GLI3: variants seen among roughly 807,000 people sequenced by gnomAD.
The protein encoded by GLI3 is transcription activator GLI3.
In GLI3, 20 loss-of-function variants were observed where a neutral mutation model predicts 100.8. That is an observed-to-expected ratio of 0.20 (90% confidence interval 0.14 to 0.29). GLI3 has a LOEUF of 0.29. GLI3 is among the 10% of genes least tolerant of loss of function. The pLI is 1.00. For missense variants in GLI3, 2,040 were observed against 2,128.5 expected, an observed-to-expected ratio of 0.96 and a Z score of 0.82; for synonymous variants, 938 against 860.5, an observed-to-expected ratio of 1.09 and a Z score of -1.58.
At chr7:42,244,189 G>A (rs12531735) in intron 1 of GLI3, among the ~76,000 whole-genome samples, 132 of 152,240 alleles carry the variant, frequency 8.7e-4, no homozygotes, top group Non-Finnish European at 1.2e-3. Context: ...TATTTTAGGA[G>A]ACTATTTCTT....
intron 3 of GLI3, among the ~76,000 whole-genome samples, chr7:42,080,346 T>C (rs1039250167): frequency 6.6e-6 from 1 of 152,228 alleles, no homozygotes; most frequent in Non-Finnish European, 1.5e-5. Flanking sequence ...TAATGCTTAT[T>C]TATGTCCCAA....
chr7:42,083,190 A>C (rs1583541474), intron 3 of GLI3, among the ~76,000 whole-genome samples: 1 of 151,936 alleles, frequency 6.6e-6, no homozygotes, highest in South Asian at 2.1e-4. Flanking sequence ...TCCCTGCTCA[A>C]CCCCCACTAT....
In GLI3 at chr7:41,964,793, C is replaced by G; in HGVS notation, c.4280G>C (p.Gly1427Ala). 1 of 1,613,744 alleles carries G rather than the reference C, an allele frequency of 6.2e-7. No individual in the cohort carries two copies. The highest frequency in any genetic ancestry group is 8.5e-7 in the Non-Finnish European group (1 of 1,179,738). Residue 1427 changes from glycine to alanine, a missense_variant, in exon 15 of 15, where the codon GGG becomes GCG. Physicochemically the swap from Gly to Ala is moderately conservative, Grantham distance 60. Transcript: ENST00000395925. ...ATTAGAGCACAGCGGATGGGGCTGC[C>G]CTTTCATCTCCATCTTGATACCATT... ...RVNGIKMEMK[G>A]QPHPLCSNLQ...
At chr7:42,088,395 T>C (rs1342868502) in intron 3 of GLI3, among the ~76,000 whole-genome samples, 1 of 140,074 alleles carries the variant, frequency 7.1e-6, no homozygotes, top group East Asian at 1.9e-4. Context: ...CTTCCTCTCT[T>C]GTTGGCTACC....
intron 1 of GLI3, among the ~76,000 whole-genome samples, chr7:42,232,201 G>A (rs889475216): frequency 6.6e-6 from 1 of 151,986 alleles, no homozygotes; most frequent in Non-Finnish European, 1.5e-5. Flanking sequence ...TTTACTGCAG[G>A]TACAATTTAT....
chr7:42,146,693 T>C (rs1187575335), intron 3 of GLI3, among the ~76,000 whole-genome samples: 3 of 152,196 alleles, frequency 2.0e-5, no homozygotes, highest in Non-Finnish European at 4.4e-5. Context: ...AGTCTACTAC[T>C]GGGGTCTATA....
chr7:42,128,918 G>A (rs944855235), intron 3 of GLI3, among the ~76,000 whole-genome samples: 1 of 152,204 alleles, frequency 6.6e-6, no homozygotes, highest in African/African-American at 2.4e-5. Flanking sequence ...GCCAGAAGGT[G>A]GCAGAGGTGG....
intron 10 of GLI3, among the ~76,000 whole-genome samples, chr7:41,990,942 G>C (rs542752006): frequency 6.6e-6 from 1 of 151,860 alleles, no homozygotes; most frequent in East Asian, 1.9e-4. Flanking sequence ...GCACAGGCAC[G>C]TCTCAAGAAC....
At chr7:42,184,822 A>G (rs2128684794) in intron 2 of GLI3, among the ~76,000 whole-genome samples, 1 of 152,094 alleles carries the variant, frequency 6.6e-6, no homozygotes, top group South Asian at 2.1e-4. Context: ...TCTCAGTACG[A>G]CTTGGGACAA....
At chr7:42,013,531 A>T (rs753393598) in intron 10 of GLI3, among the ~76,000 whole-genome samples, 3 of 152,012 alleles carry the variant, frequency 2.0e-5, no homozygotes, top group Non-Finnish European at 4.4e-5. Flanking sequence ...GTTCGGCTAA[A>T]TTAGTATTAT....
At chr7:42,162,658 T>C (rs1787152876) in intron 2 of GLI3, among the ~76,000 whole-genome samples, 1 of 152,206 alleles carries the variant, frequency 6.6e-6, no homozygotes, top group Non-Finnish European at 1.5e-5. Context: ...TCAATTCTAC[T>C]GAGTTCCTCT....
At chr7:42,083,745 A>G (rs1379319910) in intron 3 of GLI3, among the ~76,000 whole-genome samples, 1 of 152,210 alleles carries the variant, frequency 6.6e-6, no homozygotes, top group Non-Finnish European at 1.5e-5. Flanking sequence ...TTTTCAATGC[A>G]CTTTCTTCAT....
intron 3 of GLI3, among the ~76,000 whole-genome samples, chr7:42,112,168 C>T (rs1785725343): frequency 6.6e-6 from 1 of 152,118 alleles, no homozygotes. Flanking sequence ...TTCTGGAAAC[C>T]AACGCTTTTT....
At chr7:42,015,662 G>T (rs846300) in intron 10 of GLI3, among the ~76,000 whole-genome samples, 19 of 151,100 alleles carry the variant, frequency 1.3e-4, no homozygotes, top group Admixed American at 5.3e-4. Context: ...GCTGGTTATG[G>T]GCCTTACTGA....
At chr7:42,097,520 G>A (rs1785367143) in intron 3 of GLI3, among the ~76,000 whole-genome samples, 1 of 152,170 alleles carries the variant, frequency 6.6e-6, no homozygotes, top group African/African-American at 2.4e-5. Flanking sequence ...CCTTCCCCTG[G>A]ACACCAGCAG....
At chr7:42,047,939 C>A (rs551766091) in intron 5 of GLI3, among the ~76,000 whole-genome samples, 3 of 152,300 alleles carry the variant, frequency 2.0e-5, no homozygotes, top group African/African-American at 7.2e-5. Flanking sequence ...ATCTCAGGCC[C>A]CACCTGATCC....
intron 3 of GLI3, among the ~76,000 whole-genome samples, chr7:42,116,001 G>C (rs192729638): frequency 6.6e-6 from 1 of 152,094 alleles, no homozygotes; most frequent in Non-Finnish European, 1.5e-5. Context: ...AATGAACAGG[G>C]AGGGCATCAT....
intron 2 of GLI3, among the ~76,000 whole-genome samples, chr7:42,163,619 A>G (rs920529308): frequency 3.8e-4 from 57 of 151,890 alleles, no homozygotes; most frequent in African/African-American, 1.4e-3. Context: ...TAGTAGAGAC[A>G]AGGTTTTACC....
intron 3 of GLI3, among the ~76,000 whole-genome samples, chr7:42,096,872 G>A (rs145704421): frequency 6.0e-4 from 91 of 152,368 alleles, no homozygotes; most frequent in African/African-American, 2.0e-3. Context: ...ATGTGATTGT[G>A]AGGGTTGGGG....
Sources: gnomAD v4.1 joint callset for allele counts (sites outside exome capture counted in the v4.1 genomes callset) on GRCh38, gnomAD v4.1.1 for gene constraint, MANE v1.5 for transcripts, NCBI Gene and HGNC (gene_info 2026-07-23, HGNC 2026-07-21) for gene names.